Variants in SDF4 observed in about 807,000 individuals in gnomAD.
SDF4 encodes 45 kDa calcium-binding protein.
A neutral mutation model predicts 34.2 loss-of-function variants in SDF4; 22 were observed. The observed-to-expected ratio is 0.64, with a 90% CI of 0.46 to 0.92. The LOEUF is 0.92. Among genes scored for constraint, SDF4 ranks in the 40% least tolerant of loss-of-function variants. The probability of loss-of-function intolerance (pLI) is 0.00; values close to 1 mark genes in which losing one functional copy is unlikely to be tolerated. For missense variants in SDF4, 447 were observed against 499.9 expected (o/e 0.89, Z 1.01); for synonymous variants, 236 against 203.1 (o/e 1.16, Z -1.38).
At chr1:1,226,209 C>T (rs1189313294) in intron 2 of SDF4, among the ~76,000 whole-genome samples, 1 of 152,204 alleles carries the variant, frequency 6.6e-6, no homozygotes, top group Admixed American at 6.5e-5. Flanking sequence ...AGCATCTCAC[C>T]GTGCCAGGAA....
intron 2 of SDF4, 71 bp from the exon 3 acceptor site, chr1:1,224,039 C>T (rs1172783273): frequency 8.8e-6 from 14 of 1,588,888 alleles, no homozygotes; most frequent in African/African-American, 5.3e-5. Context: ...AGACGGATGC[C>T]GCCGGCCCAG....
chr1:1,224,223 C>G (rs1044777731), intron 2 of SDF4, among the ~76,000 whole-genome samples: 2 of 152,196 alleles, frequency 1.3e-5, no homozygotes, highest in Admixed American at 1.3e-4. Context: ...CTCTGTCACA[C>G]AGAATCACCA....
intron 4 of SDF4, chr1:1,220,908 C>T (rs1408398153): frequency 1.8e-5 from 8 of 456,698 alleles, no homozygotes; most frequent in South Asian, 7.2e-5. Context: ...GGTGGAGGCA[C>T]GAACCGTGTG....
intron 4 of SDF4, chr1:1,219,622 G>T: frequency 1.0e-6 from 1 of 986,646 alleles, no homozygotes; most frequent in Non-Finnish European, 1.2e-6. Flanking sequence ...ACTGCCTCTG[G>T]GTGTGTGGCC....
intron 2 of SDF4, among the ~76,000 whole-genome samples, chr1:1,225,257 T>A (rs2100979883): frequency 6.6e-6 from 1 of 152,112 alleles, no homozygotes; most frequent in South Asian, 2.1e-4. Context: ...AGGTGCGAGG[T>A]CTTGAGACCC....
At chr1:1,221,957 G>A (rs1316614544) in intron 4 of SDF4, among the ~76,000 whole-genome samples, 1 of 151,576 alleles carries the variant, frequency 6.6e-6, no homozygotes, top group Admixed American at 6.6e-5. Flanking sequence ...CATGAAAAAA[G>A]AAAGAAGAGG....
intron 4 of SDF4, chr1:1,220,528 CA>C: frequency 8.2e-7 from 1 of 1,220,608 alleles, no homozygotes; most frequent in Non-Finnish European, 1.0e-6. Context: ...ACCAAATACC[CA>C]AAGAGGTCGG....
chr1:1,229,955 A>G (rs991783378), intron 1 of SDF4, among the ~76,000 whole-genome samples: 1 of 152,216 alleles, frequency 6.6e-6, no homozygotes, highest in Non-Finnish European at 1.5e-5. Flanking sequence ...GCCCTTGCCC[A>G]CACTCGCGAG....
At chr1:1,229,302 G>A (rs1457092484) in intron 1 of SDF4, among the ~76,000 whole-genome samples, 1 of 152,180 alleles carries the variant, frequency 6.6e-6, no homozygotes, top group Non-Finnish European at 1.5e-5. Flanking sequence ...GATGCTCTGG[G>A]CTCAGGTGAT....
At position 1,217,492 on chromosome 1, in the gene SDF4, C is replaced by T. The variant is rs772076549; in HGVS notation, c.*20G>A. The T allele has an allele frequency of 1.3e-5, 20 of 1,515,218 alleles. No homozygotes were observed. The highest frequency in any genetic ancestry group is 1.7e-5 in the Non-Finnish European group (19 of 1,130,700). 93.9% of individuals were successfully genotyped at this position (1,515,218 alleles called of 1,614,324 possible). On this transcript the variant is annotated 3_prime_UTR_variant, in exon 7 of 7. Coordinates refer to ENST00000360001, the MANE Select transcript of SDF4 (RefSeq NM_016176.6). The surrounding 1 kb of genome is among the most constrained non-coding windows in gnomAD (Gnocchi z 8.5). ...CGCCCCGGTGGTGCGTGGGGGGCGGCGCGGGGCGCGGCCGGGCGCTCAAAA... is the reference window on the plus strand; with the variant it reads ...CGCCCCGGTGGTGCGTGGGGGGCGGTGCGGGGCGCGGCCGGGCGCTCAAAA...
At position 1,220,646 on chromosome 1, in the gene SDF4, T is replaced by C; in HGVS notation, c.557-1719A>G. ...GGGACCCCCAAAACGCAGAGTGAAT[T>C]CTAAACACACCTCTGCTGAGTCCCA... On this transcript the variant is annotated intron_variant, in intron 4 of 6. Coordinates refer to ENST00000360001, the MANE Select transcript of SDF4 (RefSeq NM_016176.6). 3.9e-6 allele frequency: 5 copies of C among 1,289,108 alleles called. No individual in the cohort carries two copies. The South Asian group carries it at 6.2e-5, about 16-fold the overall frequency. 79.9% of individuals were successfully genotyped at this position (1,289,108 alleles called of 1,614,324 possible). A position where few individuals can be genotyped will look rare whatever the true frequency, so the allele number is the denominator to read the frequency against.
Position 1,218,102 on chromosome 1 carries a change from G to C in SDF4, c.891+356C>G, listed in dbSNP as rs547932960. ...TGGTAAATTCCAGCCATGTGGCACA[G>C]GCCGCCCCGCCCACCTGCACCTGCT... is the stretch of plus-strand genomic sequence containing the variant. On this transcript the variant is annotated intron_variant, in intron 6 of 6. Coordinates refer to ENST00000360001, the MANE Select transcript of SDF4 (RefSeq NM_016176.6). The surrounding 1 kb of genome is among the most constrained non-coding windows in gnomAD (Gnocchi z 7.9). Among the ~76,000 whole-genome samples the C allele has an allele frequency of 1.3e-5, 2 of 152,356 alleles. No individual in the cohort carries two copies. The highest frequency in any genetic ancestry group is 2.9e-5 in the Non-Finnish European group (2 of 68,032).
chr1:1,226,184 C>T (rs543015104), intron 2 of SDF4, among the ~76,000 whole-genome samples: 3 of 152,320 alleles, frequency 2.0e-5, no homozygotes, highest in African/African-American at 4.8e-5. Context: ...GCAGGTGGCA[C>T]GGAGGCGAGC....
At chr1:1,220,756 T>C in intron 4 of SDF4, 1 of 1,288,952 alleles carries the variant, frequency 7.8e-7, no homozygotes, top group Non-Finnish European at 1.0e-6. Context: ...CCAAATAAAG[T>C]GGCACCAAGG....
chr1:1,221,983 C>T (rs1034927747), intron 4 of SDF4, among the ~76,000 whole-genome samples: 2 of 152,188 alleles, frequency 1.3e-5, no homozygotes, highest in South Asian at 2.1e-4. Flanking sequence ...TGCCTTGAGA[C>T]TCTGGTGAGG....
In SDF4 at chr1:1,224,057, T is replaced by A. The variant is rs890993649; in HGVS notation, c.306-89A>T. On this transcript the variant is annotated intron_variant, in intron 2 of 6. Transcript: ENST00000360001. ...CGGATGCCGCCGGCCCAGGACTCCA[T>A]GGCTGCGTGAACCTGCCACCAACAG... 4 of 1,563,500 alleles carry A rather than the reference T, an allele frequency of 2.6e-6. No homozygotes were observed. In the African/African-American group the frequency reaches 5.4e-5, roughly 21 times the overall value.
At chr1:1,220,730 C>T (rs1407287499) in intron 4 of SDF4, 1 of 1,289,220 alleles carries the variant, frequency 7.8e-7, no homozygotes, top group South Asian at 1.2e-5. Context: ...TGGGCCATGT[C>T]CTGGGCAGAA....
At position 1,223,295 on chromosome 1, in the gene SDF4, CCTT is replaced by C. The variant is rs756891917; in HGVS notation, c.502_504del (p.Lys168del). 1.9e-6 allele frequency: 3 copies of C among 1,614,148 alleles called. No individual in the cohort carries two copies. The highest frequency in any genetic ancestry group is 2.7e-5 in the African/African-American group (2 of 75,084). On this transcript the variant is annotated inframe_deletion, in exon 4 of 7. Coordinates refer to ENST00000360001, the MANE Select transcript of SDF4 (RefSeq NM_016176.6). ...TTGAGCCTGATGGCGTCGGCAACCTCCTTCTCGCTATGGCCTTTACTCGCCAAA... is the reference window on the plus strand; with the variant it reads ...TTGAGCCTGATGGCGTCGGCAACCTCCTCGCTATGGCCTTTACTCGCCAAA...
intron 4 of SDF4, chr1:1,219,719 C>T (rs1490745923): frequency 1.0e-6 from 1 of 986,028 alleles, no homozygotes; most frequent in Non-Finnish European, 1.2e-6. Flanking sequence ...CACCCTGGGT[C>T]TCCAGGACAG....
Sources: gnomAD v4.1 joint callset for allele counts (sites outside exome capture counted in the v4.1 genomes callset) on GRCh38, gnomAD v4.1.1 for gene constraint, Gnocchi (gnomAD v3.1) non-coding constraint, MANE v1.5 for transcripts, NCBI Gene and HGNC (gene_info 2026-07-23, HGNC 2026-07-21) for gene names.